The following HHAT variants were observed in gnomAD, a reference collection of about 807,000 sequenced individuals.
The protein encoded by HHAT is protein-cysteine N-palmitoyltransferase HHAT.
A neutral mutation model predicts 70.8 loss-of-function variants in HHAT; 47 were observed. That is an observed-to-expected ratio of 0.66 (90% CI 0.53 to 0.85). The LOEUF (loss-of-function observed/expected upper bound fraction) is 0.85, where lower values mean the gene tolerates loss of function less well. Among genes scored for constraint, HHAT ranks in the 40% least tolerant of loss-of-function variants. The pLI is 0.00. For synonymous variants in HHAT, 228 were observed against 247.6 expected, an observed-to-expected ratio of 0.92 and a Z score of 0.74; for missense variants, 609 against 604.8, an observed-to-expected ratio of 1.01 and a Z score of -0.07.
intron 10 of HHAT, among the ~76,000 whole-genome samples, chr1:210,615,829 A>G (rs2148855225): frequency 6.6e-6 from 1 of 152,248 alleles, no homozygotes; most frequent in South Asian, 2.1e-4. Context: ...TGGCCGTGTG[A>G]GGTGTCAGTC....
intron 7 of HHAT, among the ~76,000 whole-genome samples, chr1:210,430,600 A>G (rs1008691700): frequency 2.0e-5 from 3 of 151,888 alleles, no homozygotes; most frequent in Admixed American, 6.5e-5. Context: ...TGGTGACACT[A>G]TGAGTAGTTT....
intron 9 of HHAT, among the ~76,000 whole-genome samples, chr1:210,577,786 C>G (rs1173202621): frequency 6.6e-6 from 1 of 151,526 alleles, no homozygotes; most frequent in African/African-American, 2.4e-5. Flanking sequence ...AGTGGGATTA[C>G]AGGCATGCAC....
intron 9 of HHAT, among the ~76,000 whole-genome samples, chr1:210,522,253 G>T (rs899083388): frequency 1.3e-4 from 20 of 152,146 alleles, no homozygotes; most frequent in African/African-American, 4.8e-4. Flanking sequence ...CACCTGGGAG[G>T]AGTCCCCAGG....
chr1:210,583,703 A>G (rs1004074821), intron 9 of HHAT, among the ~76,000 whole-genome samples: 1 of 152,198 alleles, frequency 6.6e-6, no homozygotes, highest in South Asian at 2.1e-4. Flanking sequence ...CCTGCCATAT[A>G]TGAATTTCTG....
At position 210,604,513 on chromosome 1, in the gene HHAT, G is replaced by C. The variant is rs1359602141; in HGVS notation, c.1245+16414G>C. On this transcript the variant is annotated intron_variant, in intron 10 of 11. Coordinates refer to ENST00000261458, the MANE Select transcript of HHAT (RefSeq NM_018194.6). ...ACATACACAGAAAAGTATGTGAAAG[G>C]TTATATACTAAAATAATTGTGGTGG... is the stretch of plus-strand genomic sequence containing the variant. 1.6e-4 allele frequency among the ~76,000 whole-genome samples: 24 copies of C among 152,060 alleles called. 1 individual carries two copies. The highest frequency in any genetic ancestry group is 1.6e-3 in the Admixed American group (24 of 15,266).
intron 7 of HHAT, among the ~76,000 whole-genome samples, chr1:210,460,783 A>G (rs999736278): frequency 6.6e-6 from 1 of 152,174 alleles, no homozygotes; most frequent in Admixed American, 6.5e-5. Context: ...ACTGTGTGGT[A>G]AAAGAGAAGG....
intron 8 of HHAT, among the ~76,000 whole-genome samples, chr1:210,480,902 T>G (rs2094385942): frequency 6.6e-6 from 1 of 152,250 alleles, no homozygotes; most frequent in Non-Finnish European, 1.5e-5. Flanking sequence ...TCCATCCATC[T>G]ATCCATTCAC....
intron 9 of HHAT, among the ~76,000 whole-genome samples, chr1:210,547,104 T>G (rs1573220307): frequency 6.6e-6 from 1 of 152,028 alleles, no homozygotes; most frequent in Non-Finnish European, 1.5e-5. Context: ...GTGAGGTGGG[T>G]GGATCTCCTG....
intron 11 of HHAT, among the ~76,000 whole-genome samples, chr1:210,629,812 TCTC>T (rs1670506862): frequency 6.7e-6 from 1 of 150,068 alleles, no homozygotes; most frequent in Admixed American, 6.8e-5. Flanking sequence ...TGTCTTGCTG[TCTC>T]CTCCTGTTTC....
intron 7 of HHAT, among the ~76,000 whole-genome samples, chr1:210,426,928 TG>T (rs1236571017): frequency 2.0e-5 from 3 of 152,200 alleles, no homozygotes; most frequent in Admixed American, 2.0e-4. Flanking sequence ...AGCTCTTTTT[TG>T]TACATCTGGT....
chr1:210,666,952 T>C (rs1018980298), intron 11 of HHAT, among the ~76,000 whole-genome samples: 6 of 148,376 alleles, frequency 4.0e-5, no homozygotes, highest in Admixed American at 6.7e-5. Flanking sequence ...CAGTGGCGGG[T>C]GCCTGTAGTC....
intron 7 of HHAT, among the ~76,000 whole-genome samples, chr1:210,421,907 T>C (rs554392171): frequency 6.6e-6 from 1 of 152,308 alleles, no homozygotes; most frequent in East Asian, 1.9e-4. Context: ...ACTTCTAATG[T>C]TTTTATGTTG....
intron 6 of HHAT, among the ~76,000 whole-genome samples, chr1:210,409,968 A>T (rs1034808559): frequency 6.6e-6 from 1 of 152,116 alleles, no homozygotes; most frequent in Admixed American, 6.5e-5. Context: ...AATACTTTGC[A>T]TGCAGGCAAG....
In HHAT at chr1:210,631,573, A is replaced by T. The variant is rs181396293; in HGVS notation, c.1390+7903A>T. Among the ~76,000 whole-genome samples the T allele has an allele frequency of 1.4e-4, 22 of 152,336 alleles. No individual in the cohort carries two copies. The East Asian group carries it at 3.7e-3, about 25-fold the overall frequency. On this transcript the variant is annotated intron_variant, in intron 11 of 11. Coordinates refer to ENST00000261458, the MANE Select transcript of HHAT (RefSeq NM_018194.6). ...TTCCAGTGTAATTACTCTTTTCCAG[A>T]CCAAGAAAGCAGTGGAAAGAGGAAA...
intron 2 of HHAT, among the ~76,000 whole-genome samples, chr1:210,353,450 TTTTTAA>T (rs1208004433): frequency 1.9e-4 from 23 of 121,088 alleles, no homozygotes; most frequent in African/African-American, 7.1e-4. Flanking sequence ...TTTTTTTTTT[TTTTTAA>T]AAAAAAGCAC....
At chr1:210,475,709 G>A (rs1056415490) in intron 8 of HHAT, among the ~76,000 whole-genome samples, 1 of 152,142 alleles carries the variant, frequency 6.6e-6, no homozygotes, top group Admixed American at 6.5e-5. Flanking sequence ...AGGGAAGGAA[G>A]CCTTGTGGCC....
At chr1:210,543,603 C>T (rs188920861) in intron 9 of HHAT, among the ~76,000 whole-genome samples, 1 of 152,120 alleles carries the variant, frequency 6.6e-6, no homozygotes, top group African/African-American at 2.4e-5. Flanking sequence ...CAACCCTCCC[C>T]ACCCCTTCAA....
chr1:210,356,954 G>T (rs571451162), intron 2 of HHAT, among the ~76,000 whole-genome samples: 9 of 152,324 alleles, frequency 5.9e-5, no homozygotes, highest in Admixed American at 4.6e-4. Flanking sequence ...TTTGTGAAAA[G>T]ACCCAATTGA....
At chr1:210,535,452 T>G (rs79786050) in intron 9 of HHAT, among the ~76,000 whole-genome samples, 1,994 of 151,242 alleles carry the variant, frequency 0.013, 49 homozygotes, top group African/African-American at 0.044. Context: ...TGTGTGTGTG[T>G]GTGGGGTAAA....
Sources: gnomAD v4.1 joint callset for allele counts (sites outside exome capture counted in the v4.1 genomes callset) on GRCh38, gnomAD v4.1.1 for gene constraint, MANE v1.5 for transcripts, NCBI Gene and HGNC (gene_info 2026-07-23, HGNC 2026-07-21) for gene names.